Variants in ILRUN observed in about 807,000 individuals in gnomAD.
The protein encoded by ILRUN is protein ILRUN.
In ILRUN, 3 loss-of-function variants were observed where a neutral mutation model predicts 33.8. The observed-to-expected ratio is 0.09, with a 90% CI of 0.04 to 0.23. The LOEUF is 0.23. Ranked by LOEUF, ILRUN falls within the 10% of genes least tolerant of loss-of-function variation. ILRUN has a pLI of 1.00. For synonymous variants in ILRUN, 124 were observed against 138.9 expected, an observed-to-expected ratio of 0.89 and a Z score of 0.75; for missense variants, 210 against 375.1, an observed-to-expected ratio of 0.56 and a Z score of 3.64.
intron 1 of ILRUN, among the ~76,000 whole-genome samples, chr6:34,690,591 A>G (rs1763626462): frequency 6.6e-6 from 1 of 152,182 alleles, no homozygotes; most frequent in African/African-American, 2.4e-5. Context: ...CCCATCAAAA[A>G]AAAGCCAATT....
chr6:34,616,543 G>C (rs2127334045), intron 3 of ILRUN: 5 of 1,207,074 alleles, frequency 4.1e-6, no homozygotes, highest in East Asian at 4.6e-5. Context: ...GAACCATGGA[G>C]GGTGTCGAAG....
chr6:34,620,187 T>C (rs1761984625), intron 3 of ILRUN, among the ~76,000 whole-genome samples: 1 of 151,948 alleles, frequency 6.6e-6, no homozygotes, highest in Admixed American at 6.6e-5. Flanking sequence ...CTAAATATAT[T>C]ACGTAAATAA....
intron 1 of ILRUN, among the ~76,000 whole-genome samples, chr6:34,662,577 T>C (rs191906576): frequency 9.2e-5 from 14 of 152,264 alleles, no homozygotes; most frequent in Non-Finnish European, 1.6e-4. Flanking sequence ...GGAAGAAAAT[T>C]CTGAAAACAC....
chr6:34,663,215 A>G (rs1366325056), intron 1 of ILRUN, among the ~76,000 whole-genome samples: 3 of 152,214 alleles, frequency 2.0e-5, no homozygotes, highest in South Asian at 4.1e-4. Context: ...TAATGCCAGG[A>G]GTTCAAGACC....
intron 3 of ILRUN, among the ~76,000 whole-genome samples, chr6:34,641,847 G>C (rs1383644716): frequency 6.6e-6 from 1 of 151,800 alleles, no homozygotes; most frequent in Non-Finnish European, 1.5e-5. Flanking sequence ...TGGTGGGTAA[G>C]CACAAAATTA....
At chr6:34,602,420 T>C (rs1246328954) in intron 4 of ILRUN, among the ~76,000 whole-genome samples, 3 of 152,206 alleles carry the variant, frequency 2.0e-5, no homozygotes, top group African/African-American at 4.8e-5. Flanking sequence ...CAGGACTTTT[T>C]TTTCTCTTTC....
chr6:34,606,350 A>C (rs1162930353), intron 4 of ILRUN, among the ~76,000 whole-genome samples: 1 of 152,226 alleles, frequency 6.6e-6, no homozygotes, highest in African/African-American at 2.4e-5. Flanking sequence ...ATGTGGATGA[A>C]GCAACATCCA....
chr6:34,624,645 C>T (rs535155262), intron 3 of ILRUN, among the ~76,000 whole-genome samples: 1 of 152,252 alleles, frequency 6.6e-6, no homozygotes, highest in African/African-American at 2.4e-5. Flanking sequence ...CCTAATTCAA[C>T]TTTAAATTCC....
intron 1 of ILRUN, among the ~76,000 whole-genome samples, chr6:34,665,009 C>T (rs1582091773): frequency 1.3e-5 from 2 of 152,052 alleles, no homozygotes; most frequent in Non-Finnish European, 2.9e-5. Context: ...TGTGCTGTCA[C>T]CCAGGCTGGA....
At chr6:34,644,393 T>C (rs989025223) in intron 3 of ILRUN, among the ~76,000 whole-genome samples, 1 of 152,120 alleles carries the variant, frequency 6.6e-6, no homozygotes, top group Admixed American at 6.6e-5. Context: ...GTTTTAAAGA[T>C]GACATGAGAC....
intron 1 of ILRUN, among the ~76,000 whole-genome samples, chr6:34,693,657 GTTTTA>G (rs1027720108): frequency 2.1e-5 from 3 of 142,652 alleles, no homozygotes; most frequent in Admixed American, 7.1e-5. Flanking sequence ...TCAAATAGAA[GTTTTA>G]TTTTATTTTA....
rs145783572 is a variant in ILRUN at position 34,648,548 on chromosome 6, C to A, written c.314-1750G>T. 7.9e-5 allele frequency among the ~76,000 whole-genome samples: 12 copies of A among 152,306 alleles called. No individual in the cohort carries two copies. In the East Asian group the frequency reaches 2.3e-3, roughly 29 times the overall value. On this transcript the variant is annotated intron_variant, in intron 2 of 4. Transcript: ENST00000374023. ...TGTCCTAAGTTAACCCTATAAAGGG[C>A]AACCACTGCTGGAGGAAAGGCTGTG...
chr6:34,684,121 T>C (rs576697274), intron 1 of ILRUN, among the ~76,000 whole-genome samples: 1 of 152,146 alleles, frequency 6.6e-6, no homozygotes, highest in African/African-American at 2.4e-5. Context: ...TAAAAACCTA[T>C]ATTTTTTACT....
At chr6:34,678,394 G>A (rs574719594) in intron 1 of ILRUN, among the ~76,000 whole-genome samples, 35 of 152,082 alleles carry the variant, frequency 2.3e-4, no homozygotes, top group African/African-American at 8.4e-4. Flanking sequence ...GTACAAACAT[G>A]TGCAGGTTTG....
intron 4 of ILRUN, chr6:34,595,901 G>C (rs1164683255): frequency 1.0e-6 from 1 of 985,284 alleles, no homozygotes; most frequent in Admixed American, 6.1e-5. Context: ...GGTCAGTCCT[G>C]GTCAGTGCTT....
intron 3 of ILRUN, among the ~76,000 whole-genome samples, chr6:34,610,803 T>C (rs773978511): frequency 2.0e-5 from 3 of 152,234 alleles, no homozygotes; most frequent in Non-Finnish European, 4.4e-5. Flanking sequence ...CTACAGGTCA[T>C]ATGCTTCATT....
At chr6:34,673,639 G>A (rs1472261239) in intron 1 of ILRUN, among the ~76,000 whole-genome samples, 2 of 152,104 alleles carry the variant, frequency 1.3e-5, no homozygotes, top group African/African-American at 2.4e-5. Context: ...CAAAAGGATG[G>A]CTTGAGCTCA....
chr6:34,607,498 G>T (rs1168765424), intron 3 of ILRUN, among the ~76,000 whole-genome samples: 1 of 152,106 alleles, frequency 6.6e-6, no homozygotes, highest in Non-Finnish European at 1.5e-5. Flanking sequence ...AAGACACCAA[G>T]AATTTGGCAT....
At chr6:34,648,803 C>G (rs1188736153) in intron 2 of ILRUN, among the ~76,000 whole-genome samples, 1 of 152,166 alleles carries the variant, frequency 6.6e-6, no homozygotes, top group Non-Finnish European at 1.5e-5. Context: ...CACACACATA[C>G]ACATACACCT....
Sources: allele counts gnomAD v4.1 joint callset (sites outside exome capture counted in the v4.1 genomes callset), GRCh38; gene constraint gnomAD v4.1.1; transcripts MANE v1.5; gene names NCBI Gene and HGNC (gene_info 2026-07-23, HGNC 2026-07-21).